Variants in STXBP5L observed in about 807,000 individuals in gnomAD.
STXBP5L encodes syntaxin-binding protein 5-like.
Under a neutral mutation model 144.5 loss-of-function variants are expected in STXBP5L, and 65 were observed. That is an observed-to-expected ratio of 0.45 (90% confidence interval 0.37 to 0.55). The LOEUF (loss-of-function observed/expected upper bound fraction) is 0.55, where lower values mean the gene tolerates loss of function less well. STXBP5L is among the 20% of genes least tolerant of loss of function. STXBP5L has a pLI of 0.00. For missense variants in STXBP5L, 1,298 were observed against 1,405.5 expected (o/e 0.92, Z 1.22); for synonymous variants, 505 against 469.6 (o/e 1.08, Z -0.97).
intron 20 of STXBP5L, among the ~76,000 whole-genome samples, chr3:121,324,996 A>G (rs1270316403): frequency 3.3e-5 from 5 of 152,056 alleles, no homozygotes; most frequent in South Asian, 4.1e-4. Flanking sequence ...AATATTTTCT[A>G]TCATCAGAAA....
At chr3:121,394,115 T>A (rs1371464317) in intron 22 of STXBP5L, among the ~76,000 whole-genome samples, 2 of 152,162 alleles carry the variant, frequency 1.3e-5, no homozygotes, top group East Asian at 1.9e-4. Flanking sequence ...TAGTGTTTTT[T>A]AAATTTTCCG....
chr3:121,351,641 C>T (rs1008378630), intron 20 of STXBP5L, among the ~76,000 whole-genome samples: 1 of 152,126 alleles, frequency 6.6e-6, no homozygotes, highest in African/African-American at 2.4e-5. Context: ...TTATATGGTG[C>T]CTGTTCACTC....
intron 3 of STXBP5L, among the ~76,000 whole-genome samples, chr3:121,015,317 T>A (rs1381619485): frequency 1.3e-5 from 2 of 152,164 alleles, no homozygotes; most frequent in African/African-American, 2.4e-5. Flanking sequence ...TTGGAAGTTG[T>A]TACTCCCATT....
chr3:121,052,638 C>G (rs1302985412), intron 5 of STXBP5L, among the ~76,000 whole-genome samples: 1 of 152,128 alleles, frequency 6.6e-6, no homozygotes, highest in African/African-American at 2.4e-5. Flanking sequence ...CAGTCAATAT[C>G]ATATTGAATG....
At chr3:121,139,523 A>T (rs916297529) in intron 7 of STXBP5L, among the ~76,000 whole-genome samples, 1 of 152,082 alleles carries the variant, frequency 6.6e-6, no homozygotes, top group Admixed American at 6.6e-5. Context: ...AACCTAGGCA[A>T]TGTGGCTCAG....
intron 10 of STXBP5L, among the ~76,000 whole-genome samples, chr3:121,217,412 A>G (rs1454804577): frequency 6.6e-6 from 1 of 152,050 alleles, no homozygotes; most frequent in Non-Finnish European, 1.5e-5. Flanking sequence ...ACAGTCCCTC[A>G]TGGCTTCCCT....
chr3:121,056,171 T>C (rs1948447695), intron 5 of STXBP5L, among the ~76,000 whole-genome samples: 1 of 152,134 alleles, frequency 6.6e-6, no homozygotes, highest in Non-Finnish European at 1.5e-5. Flanking sequence ...ATTTTAAACC[T>C]AAATAGGGAA....
chr3:121,357,388 A>T (rs1193975392), intron 20 of STXBP5L: 1 of 154,548 alleles, frequency 6.5e-6, no homozygotes, highest in East Asian at 1.9e-4. Flanking sequence ...TGTCCTTTGG[A>T]TTGGCATTCC....
In STXBP5L at chr3:121,093,644, C is replaced by G. The variant is rs577959221; in HGVS notation, c.471-21281C>G. 6.6e-5 allele frequency among the ~76,000 whole-genome samples: 10 copies of G among 152,130 alleles called. No individual in the cohort carries two copies. In the East Asian group the frequency reaches 7.7e-4, roughly 12 times the overall value. On this transcript the variant is annotated intron_variant, in intron 5 of 26. Transcript: ENST00000471454. ...TCCCCTTTATCATTTTTTCTTGCTT[C>G]TATTTGATTCTTCTCTCTTTTTTTC...
chr3:120,917,629 G>A (rs1398016243), intron 2 of STXBP5L, among the ~76,000 whole-genome samples: 1 of 152,044 alleles, frequency 6.6e-6, no homozygotes, highest in Non-Finnish European at 1.5e-5. Context: ...AGGAGTTCGA[G>A]GCTCTAATGC....
intron 3 of STXBP5L, among the ~76,000 whole-genome samples, chr3:121,030,950 A>G (rs1449863772): frequency 6.6e-6 from 1 of 152,136 alleles, no homozygotes; most frequent in African/African-American, 2.4e-5. Flanking sequence ...AGTTCAAGAC[A>G]AGCTTCCAAG....
intron 2 of STXBP5L, among the ~76,000 whole-genome samples, chr3:120,926,937 C>CTTTT (rs59336376): frequency 1.5e-5 from 2 of 134,082 alleles, no homozygotes; most frequent in African/African-American, 2.7e-5. Flanking sequence ...TCTTTCCTTT[C>CTTTT]TTTTTTTTTT....
At chr3:121,091,069 C>A (rs551335690) in intron 5 of STXBP5L, among the ~76,000 whole-genome samples, 5 of 148,808 alleles carry the variant, frequency 3.4e-5, no homozygotes, top group Admixed American at 6.9e-5. Context: ...GAGAATGATG[C>A]TTTCCAATTT....
At chr3:120,975,588 G>C (rs897863657) in intron 3 of STXBP5L, among the ~76,000 whole-genome samples, 5 of 152,280 alleles carry the variant, frequency 3.3e-5, no homozygotes, top group Non-Finnish European at 5.9e-5. Flanking sequence ...ATGTTGAATA[G>C]GAGTGGTGAG....
Position 121,413,239 on chromosome 3 carries a change from C to A in STXBP5L, c.3030C>A (p.Thr1010=), listed in dbSNP as rs770731470. ...DMRIARTFCF[T]NEGQALYLVS... ...GGATAGCACGAACATTTTGTTTTAC[C>A]AATGAAGGACAGGCATTATACCTCG... Residue 1010 remains threonine (T), a synonymous_variant, in exon 24 of 27, where the codon ACC becomes ACA. Coordinates refer to ENST00000471454, the MANE Select transcript of STXBP5L (RefSeq NM_001308330.2). 1.2e-6 allele frequency: 2 copies of A among 1,610,046 alleles called. No individual in the cohort carries two copies. Among genetic ancestry groups the A allele is most frequent in the Admixed American group, 3.4e-5 (2 of 58,944 alleles).
intron 19 of STXBP5L, among the ~76,000 whole-genome samples, chr3:121,286,064 T>C (rs544438045): frequency 6.6e-6 from 1 of 152,148 alleles, no homozygotes; most frequent in Non-Finnish European, 1.5e-5. Flanking sequence ...TATTATGCCA[T>C]TTGAATCAAG....
chr3:121,353,494 A>C (rs2045383262), intron 20 of STXBP5L, among the ~76,000 whole-genome samples: 1 of 151,890 alleles, frequency 6.6e-6, no homozygotes, highest in Admixed American at 6.6e-5. Flanking sequence ...TATTCTCCAA[A>C]GGTAGTTTGT....
Position 121,279,915 on chromosome 3 carries a change from G to A in STXBP5L, c.2069G>A (p.Arg690Gln), listed in dbSNP as rs764386033. 1.7e-5 allele frequency: 27 copies of A among 1,612,138 alleles called. No homozygotes were observed. The highest frequency in any genetic ancestry group is 4.5e-5 in the East Asian group (2 of 44,838). Residue 690 changes from arginine (R) to glutamine (Q), a missense_variant, in exon 19 of 27, where the codon CGA becomes CAA. By Grantham distance (43) the Arg-to-Gln change is conservative. Coordinates refer to ENST00000471454, the MANE Select transcript of STXBP5L (RefSeq NM_001308330.2). Reference protein sequence around the residue: ...DLYRSSDLYQRQPRSPRKNKQ... With the variant: ...DLYRSSDLYQQQPRSPRKNKQ... ...TATAGATCAAGTGACTTATACCAGCGACAACCACGGTCTCCTCGAAAAAAC... is the reference window on the plus strand; with the variant it reads ...TATAGATCAAGTGACTTATACCAGCAACAACCACGGTCTCCTCGAAAAAAC...
intron 14 of STXBP5L, among the ~76,000 whole-genome samples, chr3:121,246,993 A>T (rs2049874721): frequency 1.3e-5 from 2 of 152,200 alleles, no homozygotes; most frequent in Non-Finnish European, 2.9e-5. Flanking sequence ...CTAAAACTGG[A>T]TGATGGTGTC....
Sources: gnomAD v4.1 joint callset for allele counts (sites outside exome capture counted in the v4.1 genomes callset) on GRCh38, gnomAD v4.1.1 for gene constraint, MANE v1.5 for transcripts, NCBI Gene and HGNC (gene_info 2026-07-23, HGNC 2026-07-21) for gene names.